Variants in TLN2 observed in about 807,000 individuals in gnomAD.
The protein encoded by TLN2 is talin 2, also known as talin-2.
Under a neutral mutation model 294.7 loss-of-function variants are expected in TLN2, and 118 were observed. The ratio of observed to expected loss-of-function variants is 0.40; its 90% CI spans 0.34 to 0.47. The LOEUF (loss-of-function observed/expected upper bound fraction) is 0.47. Ranked by LOEUF, TLN2 falls within the 20% of genes least tolerant of loss-of-function variation. The pLI is 0.84. For missense variants in TLN2, 3,083 were observed against 3,282.2 expected (o/e 0.94, Z 1.48); for synonymous variants, 1,431 against 1,304.5 (o/e 1.10, Z -2.09).
intron 12 of TLN2, among the ~76,000 whole-genome samples, chr15:62,691,383 C>A (rs1265519934): frequency 1.3e-5 from 2 of 151,992 alleles, no homozygotes; most frequent in South Asian, 2.1e-4. Flanking sequence ...TTTAGTCTAT[C>A]CTGTGAGTTT....
chr15:62,791,668 C>T (rs966574267), intron 45 of TLN2, among the ~76,000 whole-genome samples: 7 of 152,240 alleles, frequency 4.6e-5, no homozygotes, highest in Admixed American at 2.6e-4. Flanking sequence ...TCCTGATAGA[C>T]GCTGGAAAAA....
intron 50 of TLN2, 22 bp from the exon 51 acceptor site, chr15:62,805,578 C>A: frequency 6.4e-7 from 1 of 1,563,610 alleles, no homozygotes; most frequent in East Asian, 2.3e-5. Flanking sequence ...ATTTTTTTAA[C>A]CTCTCTGTTT....
chr15:62,702,653 C>G (rs2058787217), intron 18 of TLN2, 113 bp from the exon 19 acceptor site: 1 of 1,005,834 alleles, frequency 9.9e-7, no homozygotes, highest in Non-Finnish European at 1.5e-6. Flanking sequence ...GAGATTCTCA[C>G]TGTCAGACAA....
At chr15:62,585,548 G>C (rs151102095) in intron 1 of TLN2, among the ~76,000 whole-genome samples, 2,485 of 152,250 alleles carry the variant, frequency 0.016, 29 homozygotes, top group Non-Finnish European at 0.027. Flanking sequence ...TTAATGTCCT[G>C]CTGTTGGTGA....
intron 1 of TLN2, among the ~76,000 whole-genome samples, chr15:62,492,561 GA>G (rs922229986): frequency 3.7e-5 from 5 of 134,478 alleles, no homozygotes; most frequent in South Asian, 2.5e-4. Flanking sequence ...AAAAAAAAAA[GA>G]AAAAAAGAAA....
Position 62,738,274 on chromosome 15 carries a change from G to A in TLN2, c.3628G>A (p.Asp1210Asn). The A allele has an allele frequency of 6.2e-7, 1 of 1,614,220 alleles. No individual in the cohort carries two copies. The highest frequency in any genetic ancestry group is 8.5e-7 in the Non-Finnish European group (1 of 1,180,040). The change falls in exon 30 of 59, where the codon GAT (aspartate) becomes AAT (asparagine). Residue 1210 changes from aspartate to asparagine, a missense_variant. By Grantham distance (23) the Asp-to-Asn change is conservative (BLOSUM62 1). Coordinates refer to ENST00000636159, the MANE Select transcript of TLN2 (RefSeq NM_015059.3). ...NCVNCLPGQKDVDVALKSIGE... is the reference protein window; with the variant it reads ...NCVNCLPGQKNVDVALKSIGE... ...CGTAAATTGCCTCCCTGGGCAGAAGGATGTGGACGTGGCCTTGAAGAGCAT... is the reference window on the plus strand; with the variant it reads ...CGTAAATTGCCTCCCTGGGCAGAAGAATGTGGACGTGGCCTTGAAGAGCAT...
chr15:62,454,820 G>A (rs1468034125), intron 1 of TLN2, among the ~76,000 whole-genome samples: 4 of 152,132 alleles, frequency 2.6e-5, no homozygotes, highest in Non-Finnish European at 5.9e-5. Flanking sequence ...AGCCTAGCAG[G>A]GACTGAACTC....
chr15:62,536,747 G>C (rs1318250249), intron 1 of TLN2, among the ~76,000 whole-genome samples: 1 of 152,124 alleles, frequency 6.6e-6, no homozygotes, highest in Non-Finnish European at 1.5e-5. Flanking sequence ...CGCAAGAATA[G>C]GTGCTCTAAT....
intron 52 of TLN2, among the ~76,000 whole-genome samples, chr15:62,814,448 T>C (rs1401477254): frequency 6.6e-6 from 1 of 152,088 alleles, no homozygotes; most frequent in African/African-American, 2.4e-5. Flanking sequence ...TGGTTGTTGT[T>C]TATAGAATGT....
intron 9 of TLN2, among the ~76,000 whole-genome samples, chr15:62,669,126 A>G (rs1035860404): frequency 6.6e-5 from 10 of 152,240 alleles, no homozygotes; most frequent in African/African-American, 9.6e-5. Context: ...GAATATCTTT[A>G]GATTTCCATG....
At chr15:62,596,703 A>G (rs1596294832) in intron 2 of TLN2, among the ~76,000 whole-genome samples, 1 of 151,714 alleles carries the variant, frequency 6.6e-6, no homozygotes, top group South Asian at 2.1e-4. Flanking sequence ...ATGCCACTGC[A>G]CTCCAGCAGC....
At chr15:62,765,266 C>T (rs1001802479) in intron 40 of TLN2, among the ~76,000 whole-genome samples, 1 of 151,930 alleles carries the variant, frequency 6.6e-6, no homozygotes, top group East Asian at 1.9e-4. Flanking sequence ...CCTTGGCCGT[C>T]TTGGAAGTTT....
chr15:62,656,961 C>T (rs2053278649), intron 8 of TLN2, among the ~76,000 whole-genome samples: 1 of 152,134 alleles, frequency 6.6e-6, no homozygotes, highest in Non-Finnish European at 1.5e-5. Flanking sequence ...GAGAAGTTTC[C>T]TGACCCCTGA....
intron 1 of TLN2, among the ~76,000 whole-genome samples, chr15:62,467,292 G>T (rs986673895): frequency 3.9e-5 from 6 of 152,180 alleles, no homozygotes. Flanking sequence ...TTGCTTCCCA[G>T]ATAGGGGTGA....
intron 25 of TLN2, 78 bp downstream of exon 25, chr15:62,719,958 A>G (rs764085776): frequency 1.3e-4 from 143 of 1,096,206 alleles, no homozygotes; most frequent in Non-Finnish European, 1.7e-4. Context: ...AGAGGAGTTA[A>G]TGAATTCCAC....
At chr15:62,624,586 A>G (rs1469224818) in intron 3 of TLN2, among the ~76,000 whole-genome samples, 1 of 151,356 alleles carries the variant, frequency 6.6e-6, no homozygotes, top group Non-Finnish European at 1.5e-5. Flanking sequence ...ATCACAGAAG[A>G]GCAGAGAAGG....
chr15:62,521,384 A>T (rs1218221034), intron 1 of TLN2, among the ~76,000 whole-genome samples: 1 of 152,194 alleles, frequency 6.6e-6, no homozygotes, highest in Admixed American at 6.5e-5. Flanking sequence ...GTTTATTCTG[A>T]ACTGATATGA....
intron 1 of TLN2, among the ~76,000 whole-genome samples, chr15:62,553,802 C>T (rs1402463533): frequency 6.6e-6 from 1 of 152,016 alleles, no homozygotes; most frequent in Non-Finnish European, 1.5e-5. Context: ...AAAAATGCTT[C>T]CTTATTATTT....
At chr15:62,717,772 T>C in intron 24 of TLN2, 83 bp downstream of exon 24, 2 of 978,114 alleles carry the variant, frequency 2.0e-6, no homozygotes, top group Non-Finnish European at 2.9e-6. Context: ...GGTAGTTCAG[T>C]AAAGACAGAT....
Sources: gnomAD v4.1 joint callset for allele counts (sites outside exome capture counted in the v4.1 genomes callset) on GRCh38, gnomAD v4.1.1 for gene constraint, MANE v1.5 for transcripts, NCBI Gene and HGNC (gene_info 2026-07-23, HGNC 2026-07-21) for gene names.